Variants in NALF1 observed in about 807,000 individuals in gnomAD.
NALF1 encodes family with sequence similarity 155 member A.
NALF1 carries 3 observed loss-of-function variants against 48.4 expected under a neutral mutation model. The ratio of observed to expected loss-of-function variants is 0.06; its 90% confidence interval spans 0.03 to 0.16. The LOEUF (loss-of-function observed/expected upper bound fraction) is 0.16, where lower values mean the gene tolerates loss of function less well. NALF1 is among the 10% of genes least tolerant of loss of function. The pLI is 1.00. For synonymous variants in NALF1, 262 were observed against 245.7 expected (o/e 1.07, Z -0.62); for missense variants, 526 against 571.5 (o/e 0.92, Z 0.81).
At chr13:107,205,625 GA>G (rs202054395) in intron 2 of NALF1, among the ~76,000 whole-genome samples, 1 of 151,606 alleles carries the variant, frequency 6.6e-6, no homozygotes, top group Non-Finnish European at 1.5e-5. Context: ...GAAAGAAAAA[GA>G]AAAAAAATGG....
At chr13:107,260,539 C>G (rs1198026985) in intron 1 of NALF1, among the ~76,000 whole-genome samples, 1 of 152,166 alleles carries the variant, frequency 6.6e-6, no homozygotes, top group African/African-American at 2.4e-5. Context: ...ATAAAATCCC[C>G]CACTCTGATT....
At chr13:107,765,229 G>A (rs1877389350) in intron 1 of NALF1, among the ~76,000 whole-genome samples, 2 of 152,188 alleles carry the variant, frequency 1.3e-5, no homozygotes, top group South Asian at 4.2e-4. Flanking sequence ...CAGCTTTGTT[G>A]TGTTAATTGC....
intron 1 of NALF1, among the ~76,000 whole-genome samples, chr13:107,776,779 A>G (rs1394237667): frequency 6.6e-6 from 1 of 152,222 alleles, no homozygotes; most frequent in Non-Finnish European, 1.5e-5. Flanking sequence ...TACCAGTTTT[A>G]GTGGTGGCTT....
At position 107,599,160 on chromosome 13, in the gene NALF1, C is replaced by G. The variant is rs9559083; in HGVS notation, c.915+266522G>C. 0.021 allele frequency among the ~76,000 whole-genome samples: 3,121 copies of G among 152,112 alleles called. 215 individuals are homozygous for G. The East Asian group carries it at 0.26, about 13-fold the overall frequency. ...CAAGAAACCATCTCTAGGGATGTGC[C>G]TACAAGTAACATTATATTGGGAGGC... On this transcript the variant is annotated intron_variant, in intron 1 of 2. Transcript: ENST00000375915.
intron 1 of NALF1, among the ~76,000 whole-genome samples, chr13:107,692,479 T>C (rs1292971928): frequency 1.3e-5 from 2 of 152,210 alleles, no homozygotes; most frequent in African/African-American, 2.4e-5. Flanking sequence ...AGAAATCAAA[T>C]CTAAATTGAC....
At chr13:107,807,032 C>G (rs566965156) in intron 1 of NALF1, among the ~76,000 whole-genome samples, 1 of 152,078 alleles carries the variant, frequency 6.6e-6, no homozygotes, top group Non-Finnish European at 1.5e-5. Context: ...CGCCAGTAGA[C>G]ACTTATTAAA....
rs1878717642 is a variant in NALF1, at chr13:107,168,573, AT to A, written c.*1923del. On this transcript the variant is annotated 3_prime_UTR_variant, in exon 3 of 3. Transcript: ENST00000375915. Reference sequence around the variant, plus strand: ...CTTTTTTTTTGTATTTGCGCAGACCATTTTAAGATTTTCAGTCTCAACAAAA... The same window carrying A: ...CTTTTTTTTTGTATTTGCGCAGACCATTTAAGATTTTCAGTCTCAACAAAA... 1 of 152,466 alleles carries A rather than the reference AT, an allele frequency of 6.6e-6. No homozygotes were observed. Among genetic ancestry groups the A allele is most frequent in the African/African-American group, 2.4e-5 (1 of 41,302 alleles). The allele number at this position is 152,466 out of a possible 1,614,324, so 9.4% of individuals were successfully genotyped here.
intron 1 of NALF1, among the ~76,000 whole-genome samples, chr13:107,841,140 A>G (rs1368358216): frequency 6.6e-6 from 1 of 152,208 alleles, no homozygotes; most frequent in Non-Finnish European, 1.5e-5. Flanking sequence ...TTTTGTATAT[A>G]CAAGATATTT....
intron 1 of NALF1, among the ~76,000 whole-genome samples, chr13:107,717,258 C>A (rs2138524339): frequency 6.6e-6 from 1 of 152,340 alleles, no homozygotes; most frequent in African/African-American, 2.4e-5. Context: ...GTCTGTCTAG[C>A]ATCAATCCAA....
At chr13:107,578,561 G>A (rs1878216474) in intron 1 of NALF1, among the ~76,000 whole-genome samples, 1 of 151,890 alleles carries the variant, frequency 6.6e-6, no homozygotes, top group Non-Finnish European at 1.5e-5. Context: ...CAATCATTCT[G>A]GCATTTAATT....
intron 1 of NALF1, among the ~76,000 whole-genome samples, chr13:107,392,884 C>T (rs1883650676): frequency 6.6e-6 from 1 of 152,094 alleles, no homozygotes; most frequent in Admixed American, 6.6e-5. Flanking sequence ...CTTGGCAGAA[C>T]TCCTGGTGAA....
intron 1 of NALF1, among the ~76,000 whole-genome samples, chr13:107,852,524 C>A (rs1880344869): frequency 6.6e-6 from 1 of 152,268 alleles, no homozygotes; most frequent in Admixed American, 6.5e-5. Flanking sequence ...TTTCTTTATG[C>A]AGCATCCTTT....
intron 1 of NALF1, among the ~76,000 whole-genome samples, chr13:107,677,889 G>A (rs1881172173): frequency 6.6e-6 from 1 of 152,174 alleles, no homozygotes; most frequent in Non-Finnish European, 1.5e-5. Flanking sequence ...GGAAGCTTGA[G>A]TTGAATTTTC....
intron 1 of NALF1, among the ~76,000 whole-genome samples, chr13:107,454,382 A>C (rs1216331357): frequency 2.0e-5 from 3 of 152,158 alleles, no homozygotes; most frequent in Admixed American, 2.0e-4. Context: ...GACAAAGGGA[A>C]AGCAAGGCAC....
At chr13:107,432,479 T>C (rs1310629174) in intron 1 of NALF1, among the ~76,000 whole-genome samples, 1 of 152,152 alleles carries the variant, frequency 6.6e-6, no homozygotes, top group African/African-American at 2.4e-5. Context: ...TCAGGTTCTA[T>C]CTAAAAAACT....
intron 2 of NALF1, among the ~76,000 whole-genome samples, chr13:107,174,953 G>T (rs956147683): frequency 4.0e-5 from 6 of 149,714 alleles, no homozygotes; most frequent in East Asian, 2.0e-4. Flanking sequence ...GCGCGATCTC[G>T]GCTCACTGCA....
At chr13:107,783,268 G>A (rs1481530905) in intron 1 of NALF1, among the ~76,000 whole-genome samples, 2 of 143,658 alleles carry the variant, frequency 1.4e-5, no homozygotes, top group Non-Finnish European at 3.1e-5. Flanking sequence ...CCGGCCAGTC[G>A]CCCCGTCCGG....
intron 1 of NALF1, among the ~76,000 whole-genome samples, chr13:107,388,576 G>A (rs905839521): frequency 2.6e-5 from 4 of 152,100 alleles, no homozygotes; most frequent in African/African-American, 9.7e-5. Context: ...ATCAGGTATC[G>A]TTCAACACAA....
At chr13:107,195,152 G>A (rs1349638150) in intron 2 of NALF1, among the ~76,000 whole-genome samples, 11 of 152,210 alleles carry the variant, frequency 7.2e-5, no homozygotes, top group African/African-American at 2.7e-4. Context: ...ATGTAAAAGA[G>A]TGTGGAGGTT....
Sources: allele counts gnomAD v4.1 joint callset (sites outside exome capture counted in the v4.1 genomes callset), GRCh38; gene constraint gnomAD v4.1.1; transcripts MANE v1.5; gene names NCBI Gene and HGNC (gene_info 2026-07-23, HGNC 2026-07-21).